The following SH3GLB2 variants were observed in gnomAD, a reference collection of about 807,000 sequenced individuals.
The protein encoded by SH3GLB2 is endophilin-B2.
Under a neutral mutation model 48.0 loss-of-function variants are expected in SH3GLB2, and 24 were observed. That is an observed-to-expected ratio of 0.50 (90% CI 0.36 to 0.70). The LOEUF is 0.70. Among genes scored for constraint, SH3GLB2 ranks in the 30% least tolerant of loss-of-function variants. The probability of loss-of-function intolerance (pLI) is 0.00; values close to 1 mark genes in which losing one functional copy is unlikely to be tolerated. For synonymous variants in SH3GLB2, 227 were observed against 207.6 expected (o/e 1.09, Z -0.80); for missense variants, 425 against 516.0 (o/e 0.82, Z 1.71).
At chr9:129,021,699 C>T (rs1843810300) in intron 2 of SH3GLB2, among the ~76,000 whole-genome samples, 1 of 151,786 alleles carries the variant, frequency 6.6e-6, no homozygotes, top group African/African-American at 2.4e-5. Context: ...TGGCTCCTGC[C>T]TATAATCCCA....
intron 3 of SH3GLB2, among the ~76,000 whole-genome samples, chr9:129,015,489 A>C (rs1039357051): frequency 5.3e-5 from 8 of 152,224 alleles, no homozygotes; most frequent in African/African-American, 1.9e-4. Flanking sequence ...TAATCTCAGC[A>C]CTTTGGAAAA....
chr9:129,015,534 A>G (rs1373871761), intron 3 of SH3GLB2, among the ~76,000 whole-genome samples: 1 of 152,102 alleles, frequency 6.6e-6, no homozygotes, highest in East Asian at 1.9e-4. Flanking sequence ...CCAGCTGTTC[A>G]AGACCAGCCC....
intron 7 of SH3GLB2, 50 bp from the exon 8 acceptor site, chr9:129,010,259 C>T (rs1199852335): frequency 4.6e-6 from 7 of 1,515,326 alleles, no homozygotes; most frequent in Non-Finnish European, 6.4e-6. Context: ...CCACCAGCTT[C>T]CCCGCAGTCT....
intron 7 of SH3GLB2, 43 bp from the exon 8 acceptor site, chr9:129,010,252 C>T: frequency 6.5e-7 from 1 of 1,546,778 alleles, no homozygotes; most frequent in Non-Finnish European, 8.9e-7. Flanking sequence ...ACACCACCCA[C>T]CAGCTTCCCC....
In SH3GLB2 at chr9:129,010,703, C is replaced by A. The variant is rs115393689; in HGVS notation, c.625-10G>T. ...CTTCATCATTCCAGAGCTGTGGAGACGGCAGCAGGAGTGGCCAGCAGGGGA... is the reference window on the plus strand; with the variant it reads ...CTTCATCATTCCAGAGCTGTGGAGAAGGCAGCAGGAGTGGCCAGCAGGGGA... On this transcript the variant is annotated splice_polypyrimidine_tract_variant and intron_variant, in intron 6 of 10. Coordinates refer to ENST00000372564, the MANE Select transcript of SH3GLB2 (RefSeq NM_020145.4). The A allele has an allele frequency of 1.2e-6, 2 of 1,613,910 alleles. No individual in the cohort carries two copies. Among genetic ancestry groups the A allele is most frequent in the Non-Finnish European group, 1.7e-6 (2 of 1,179,944 alleles).
rs771321511 is a variant in SH3GLB2, at chr9:129,012,303, C to T, written c.562-5G>A. On this transcript the variant is annotated splice_polypyrimidine_tract_variant and splice_region_variant and intron_variant, in intron 5 of 10. Coordinates refer to ENST00000372564, the MANE Select transcript of SH3GLB2 (RefSeq NM_020145.4). ...CTCCTGAAAGTCAGGCACCGTCTGG[C>T]GGGGAACAGAGTTCATGTGGGGAGG... The T allele has an allele frequency of 7.7e-6, 10 of 1,298,572 alleles. No individual in the cohort carries two copies. The highest frequency in any genetic ancestry group is 6.1e-5 in the African/African-American group (4 of 65,982). The allele number at this position is 1,298,572 out of a possible 1,614,324, so 80.4% of individuals were successfully genotyped here. A position where few individuals can be genotyped will look rare whatever the true frequency, so the allele number is the denominator to read the frequency against.
Position 129,008,475 on chromosome 9 carries a change from C to T in SH3GLB2, c.*209G>A. On this transcript the variant is annotated 3_prime_UTR_variant, in exon 11 of 11. Coordinates refer to ENST00000372564, the MANE Select transcript of SH3GLB2 (RefSeq NM_020145.4). ...GGGATGCAGGCAGGGGCAGGGGCTC[C>T]AGAGCCACAGGTCAGAAGCAGGGCT... 1 of 528,850 alleles carries T rather than the reference C, an allele frequency of 1.9e-6. No individual in the cohort carries two copies. Among genetic ancestry groups the T allele is most frequent in the East Asian group, 3.4e-5 (1 of 29,576 alleles). 32.8% of individuals were successfully genotyped at this position (528,850 alleles called of 1,614,324 possible). A position where few individuals can be genotyped will look rare whatever the true frequency, so the allele number is the denominator to read the frequency against.
At position 129,017,925 on chromosome 9, in the gene SH3GLB2, G is replaced by C. The variant is rs1448293711; in HGVS notation, c.335-3021C>G. Among the ~76,000 whole-genome samples the C allele has an allele frequency of 3.4e-5, 5 of 147,848 alleles. No homozygotes were observed. In the South Asian group the frequency reaches 6.4e-4, roughly 19 times the overall value. On this transcript the variant is annotated intron_variant, in intron 3 of 10. Transcript: ENST00000372564. The stretch of plus-strand genomic sequence containing the variant: ...ACAAAAAAAAAAAAAAAAAAAATTA[G>C]CTGGGTGTGATTATAGGTGCGTGAT...
chr9:129,022,165 T>C, intron 2 of SH3GLB2, 117 bp downstream of exon 2: 1 of 1,443,788 alleles, frequency 6.9e-7, no homozygotes, highest in East Asian at 2.5e-5. Context: ...AGCCCAAGAG[T>C]CTAGCTGAAA....
rs1020144712 is a variant in SH3GLB2 at position 129,012,617 on chromosome 9, C to T, written c.562-319G>A. 10 of 426,268 alleles carry T rather than the reference C, an allele frequency of 2.3e-5. 1 individual carries two copies. The highest frequency in any genetic ancestry group is 4.1e-5 in the Non-Finnish European group (10 of 241,504). 26.4% of individuals were successfully genotyped at this position (426,268 alleles called of 1,614,324 possible). ...CTCTCCCCTGCCAGGGGCCACAGCC[C>T]CCTCCTCCCCAGACCAGTGGCACTC... On this transcript the variant is annotated intron_variant, in intron 5 of 10. Coordinates refer to ENST00000372564, the MANE Select transcript of SH3GLB2 (RefSeq NM_020145.4).
In SH3GLB2 at chr9:129,014,055, AGAGT is replaced by A. The variant is rs1317842037; in HGVS notation, c.561+352_561+355del. ...GCCTGACGTTCAAGCAGCAAGTAGT[AGAGT>A]TAGTAAGAAGGTGCCATGCCCGGGC... On this transcript the variant is annotated intron_variant, in intron 5 of 10. Transcript: ENST00000372564. The surrounding 1 kb of genome is among the most constrained non-coding windows in gnomAD (Gnocchi z 4.1). The A allele has an allele frequency of 2.0e-6, 1 of 511,074 alleles. No homozygotes were observed. The highest frequency in any genetic ancestry group is 5.4e-5 in the East Asian group (1 of 18,652). 31.7% of individuals were successfully genotyped at this position (511,074 alleles called of 1,614,324 possible).
At position 129,028,141 on chromosome 9, in the gene SH3GLB2, A is replaced by C. The variant is rs1396420869; in HGVS notation, c.14T>G (p.Met5Arg). The change falls in exon 1 of 11, where the codon ATG becomes AGG. Residue 5 changes from methionine to arginine, a missense_variant. Physicochemically the swap from Met to Arg is moderately conservative, Grantham distance 91. Transcript: ENST00000372564. MDFNMKKLASDAGIF... is the reference protein window; with the variant it reads MDFNRKKLASDAGIF... ...GCCCGCGTCCGACGCCAGCTTCTTC[A>C]TGTTGAAGTCCATGGCGTGCCCGCA... The C allele has an allele frequency of 6.7e-7, 1 of 1,493,576 alleles. No individual in the cohort carries two copies. Among genetic ancestry groups the C allele is most frequent in the Non-Finnish European group, 8.9e-7 (1 of 1,123,972 alleles). The allele number at this position is 1,493,576 out of a possible 1,614,324, so 92.5% of individuals were successfully genotyped here.
rs1843289425 is a variant in SH3GLB2 at position 129,014,174 on chromosome 9, GGGCACTGCT to G, written c.561+228_561+236del. The G allele has an allele frequency of 1.6e-6, 1 of 624,308 alleles. No individual in the cohort carries two copies. Among genetic ancestry groups the G allele is most frequent in the Non-Finnish European group, 2.9e-6 (1 of 342,196 alleles). The allele number at this position is 624,308 out of a possible 1,614,324, so 38.7% of individuals were successfully genotyped here. On this transcript the variant is annotated intron_variant, in intron 5 of 10. Coordinates refer to ENST00000372564, the MANE Select transcript of SH3GLB2 (RefSeq NM_020145.4). The surrounding 1 kb of genome is among the most constrained non-coding windows in gnomAD (Gnocchi z 4.1). The stretch of plus-strand genomic sequence containing the variant: ...CTGGCGGGGTGGTGCACCCAGCTGG[GGGCACTGCT>G]GGTCCGCCCACACCGTAGATATCTC...
intron 1 of SH3GLB2, among the ~76,000 whole-genome samples, chr9:129,024,269 A>G (rs1280585020): frequency 1.3e-5 from 2 of 151,424 alleles, no homozygotes; most frequent in African/African-American, 2.4e-5. Context: ...AAAAAAAAAA[A>G]AAAAAAAAAA....
intron 5 of SH3GLB2, chr9:129,013,245 GC>G: frequency 1.8e-6 from 1 of 565,120 alleles, no homozygotes. Context: ...TCCTGGGGCT[GC>G]CCAAGTCCTA....
chr9:129,008,358 T>C lies in SH3GLB2; in HGVS notation c.*326A>G, dbSNP rs892520882. The C allele has an allele frequency of 9.6e-6, 3 of 312,752 alleles. No homozygotes were observed. Among genetic ancestry groups the C allele is most frequent in the Non-Finnish European group, 1.9e-5 (3 of 159,474 alleles). The allele number at this position is 312,752 out of a possible 1,614,324, so 19.4% of individuals were successfully genotyped here. The stretch of plus-strand genomic sequence containing the variant: ...GTGCACCTGGGGCTTCCTGAGCCCA[T>C]CTGCGGCGGCCCCACCCTGGCCTAG... On this transcript the variant is annotated 3_prime_UTR_variant, in exon 11 of 11. Coordinates refer to ENST00000372564, the MANE Select transcript of SH3GLB2 (RefSeq NM_020145.4).
intron 6 of SH3GLB2, 23 bp from the exon 7 acceptor site, chr9:129,010,716 G>A: frequency 6.2e-7 from 1 of 1,613,876 alleles, no homozygotes. Flanking sequence ...CAGCAGGAGT[G>A]GCCAGCAGGG....
intron 1 of SH3GLB2, among the ~76,000 whole-genome samples, chr9:129,027,711 G>A (rs1844242896): frequency 6.6e-6 from 1 of 152,252 alleles, no homozygotes; most frequent in South Asian, 2.1e-4. Flanking sequence ...GGACGCATGA[G>A]TCCCTGGGCC....
At chr9:129,010,266 G>T in intron 7 of SH3GLB2, 57 bp from the exon 8 acceptor site, 1 of 1,472,082 alleles carries the variant, frequency 6.8e-7, no homozygotes. Context: ...CTTCCCCGCA[G>T]TCTTCTCCTG....
Sources: gnomAD v4.1 joint callset for allele counts (sites outside exome capture counted in the v4.1 genomes callset) on GRCh38, gnomAD v4.1.1 for gene constraint, Gnocchi (gnomAD v3.1) non-coding constraint, MANE v1.5 for transcripts, NCBI Gene and HGNC (gene_info 2026-07-23, HGNC 2026-07-21) for gene names.